The following OPCML variants were observed in gnomAD, a reference collection of about 807,000 sequenced individuals.
OPCML encodes opioid binding protein/cell adhesion molecule like, also known as opioid-binding protein/cell adhesion molecule.
A neutral mutation model predicts 37.8 loss-of-function variants in OPCML; 13 were observed. The observed-to-expected ratio is 0.34, with a 90% confidence interval of 0.22 to 0.55. The LOEUF (loss-of-function observed/expected upper bound fraction) is 0.55. Ranked by LOEUF, OPCML falls within the 20% of genes least tolerant of loss-of-function variation. The pLI is 0.91. For missense variants in OPCML, 341 were observed against 435.6 expected, an observed-to-expected ratio of 0.78 and a Z score of 1.93; for synonymous variants, 176 against 168.8, an observed-to-expected ratio of 1.04 and a Z score of -0.33.
At chr11:132,970,568 T>C (rs1946318983) in intron 1 of OPCML, among the ~76,000 whole-genome samples, 1 of 152,226 alleles carries the variant, frequency 6.6e-6, no homozygotes, top group African/African-American at 2.4e-5. Flanking sequence ...GTGGCATTCA[T>C]GGATCTTTAT....
intron 1 of OPCML, among the ~76,000 whole-genome samples, chr11:132,962,896 C>T (rs926999381): frequency 1.2e-4 from 19 of 152,206 alleles, no homozygotes; most frequent in Non-Finnish European, 7.3e-5. Context: ...AGCACTTCAT[C>T]CCCACCAGCC....
chr11:132,978,404 A>G (rs1394576058), intron 1 of OPCML, among the ~76,000 whole-genome samples: 1 of 152,168 alleles, frequency 6.6e-6, no homozygotes. Context: ...CAATCAAGGT[A>G]TCTTCTCCGC....
At chr11:132,523,716 A>T (rs967264871) in intron 4 of OPCML, among the ~76,000 whole-genome samples, 1 of 152,254 alleles carries the variant, frequency 6.6e-6, no homozygotes, top group African/African-American at 2.4e-5. Context: ...ATCGATATGT[A>T]TAATCTTGAT....
At chr11:132,475,167 A>G (rs546755069) in intron 4 of OPCML, among the ~76,000 whole-genome samples, 8 of 152,204 alleles carry the variant, frequency 5.3e-5, no homozygotes, top group Non-Finnish European at 1.2e-4. Context: ...CTCCAAATAC[A>G]TAAGCCCCCA....
chr11:132,676,820 A>T lies in OPCML; in HGVS notation c.147-19501T>A, dbSNP rs1287224957. Among the ~76,000 whole-genome samples, 9 of 151,738 alleles carry T rather than the reference A, an allele frequency of 5.9e-5. No homozygotes were observed. In the East Asian group the frequency reaches 1.4e-3, roughly 23 times the overall value. ...AAAAAAAAAAGAAAGAACGAGAAAAAAGAAGATAACTAGGGAGCAAGGCAA... is the reference window on the plus strand; with the variant it reads ...AAAAAAAAAAGAAAGAACGAGAAAATAGAAGATAACTAGGGAGCAAGGCAA... On this transcript the variant is annotated intron_variant, in intron 2 of 7. Transcript: ENST00000524381.
intron 1 of OPCML, among the ~76,000 whole-genome samples, chr11:133,235,948 G>A (rs938368143): frequency 6.6e-6 from 1 of 152,082 alleles, no homozygotes; most frequent in Non-Finnish European, 1.5e-5. Flanking sequence ...TATCAGCAGG[G>A]GATAGTTCCA....
At chr11:133,278,525 G>C (rs1464275130) in intron 1 of OPCML, among the ~76,000 whole-genome samples, 3 of 151,980 alleles carry the variant, frequency 2.0e-5, no homozygotes, top group Admixed American at 6.6e-5. Context: ...GTTCTTATGA[G>C]GGAATCTCTG....
chr11:133,151,964 A>T (rs1949993649), intron 1 of OPCML, among the ~76,000 whole-genome samples: 1 of 152,226 alleles, frequency 6.6e-6, no homozygotes, highest in Non-Finnish European at 1.5e-5. Context: ...TTGACCTTCC[A>T]GAGGGTTTTG....
Position 133,039,953 on chromosome 11 carries a change from C to T in OPCML, c.62-96943G>A, listed in dbSNP as rs569859683. Among the ~76,000 whole-genome samples the T allele has an allele frequency of 9.2e-3, 1,401 of 151,536 alleles. 17 individuals are homozygous for T. Among genetic ancestry groups the T allele is most frequent in the Non-Finnish European group, 0.013 (889 of 67,806 alleles). ...CTGAGGCAGGAGAATTACTTGAACC[C>T]GGGAGGCGGAGGTTGCAGTGAGCCA... On this transcript the variant is annotated intron_variant, in intron 1 of 7. Coordinates refer to ENST00000524381, the MANE Select transcript of OPCML (RefSeq NM_001012393.5).
chr11:133,314,097 T>A (rs1032403298), intron 1 of OPCML, among the ~76,000 whole-genome samples: 1 of 135,156 alleles, frequency 7.4e-6, no homozygotes, highest in Non-Finnish European at 1.6e-5. Context: ...TAGCCGGGCG[T>A]AGTGGCGGGC....
Position 132,436,214 on chromosome 11 carries a change from A to C in OPCML, c.788T>G (p.Met263Arg). The C allele has an allele frequency of 6.2e-7, 1 of 1,614,218 alleles. No homozygotes were observed. The highest frequency in any genetic ancestry group is 8.5e-7 in the Non-Finnish European group (1 of 1,180,038). ...ETRLATGLDG[M>R]RIENKGRMST... ...CATGCGGCCTTTGTTTTCAATCCTC[A>C]TTCCATCCAGACCAGTGGCTAACCT... Residue 263 changes from methionine to arginine, a missense_variant, in exon 7 of 8, where the codon ATG (methionine) becomes AGG (arginine). Met to Arg is a moderately conservative substitution (Grantham distance 91, BLOSUM62 -1). Transcript: ENST00000524381.
At chr11:132,454,752 T>A (rs2096077248) in intron 4 of OPCML, among the ~76,000 whole-genome samples, 1 of 152,164 alleles carries the variant, frequency 6.6e-6, no homozygotes, top group South Asian at 2.1e-4. Context: ...CAGGATGAAC[T>A]GACTTGTTGG....
chr11:133,006,145 G>A, intron 1 of OPCML: 2 of 983,168 alleles, frequency 2.0e-6, no homozygotes, highest in Non-Finnish European at 2.4e-6. Flanking sequence ...GATCCCTGGA[G>A]AAGCTCCAAC....
chr11:133,107,765 T>C (rs1260621883), intron 1 of OPCML, among the ~76,000 whole-genome samples: 1 of 152,234 alleles, frequency 6.6e-6, no homozygotes, highest in Non-Finnish European at 1.5e-5. Context: ...TACAGCAGAA[T>C]GATGCTCTCT....
chr11:132,839,839 C>A (rs1941211578), intron 2 of OPCML, among the ~76,000 whole-genome samples: 1 of 152,334 alleles, frequency 6.6e-6, no homozygotes, highest in Non-Finnish European at 1.5e-5. Flanking sequence ...GAAATAAAAT[C>A]ATTTCCAATT....
rs560609646 is a variant in OPCML at position 133,230,873 on chromosome 11, G to A, written c.62-287863C>T. 1.6e-3 allele frequency among the ~76,000 whole-genome samples: 245 copies of A among 152,240 alleles called. 1 individual carries two copies. Among genetic ancestry groups the A allele is most frequent in the African/African-American group, 5.7e-3 (235 of 41,536 alleles). ...AGTATCCCCACTGTTTCTGAAATGT[G>A]GACAATCTGAGTGAAGAAAAGGGAG... On this transcript the variant is annotated intron_variant, in intron 1 of 7. Coordinates refer to ENST00000524381, the MANE Select transcript of OPCML (RefSeq NM_001012393.5).
At chr11:133,149,247 A>G (rs1949940444) in intron 1 of OPCML, among the ~76,000 whole-genome samples, 1 of 152,246 alleles carries the variant, frequency 6.6e-6, no homozygotes, top group South Asian at 2.1e-4. Context: ...ACATAAATTA[A>G]GAACTGGTAA....
In OPCML at chr11:133,206,550, A is replaced by G. The variant is rs1233676678; in HGVS notation, c.62-263540T>C. 1.3e-5 allele frequency among the ~76,000 whole-genome samples: 2 copies of G among 152,212 alleles called. No individual in the cohort carries two copies. The highest frequency in any genetic ancestry group is 4.8e-5 in the African/African-American group (2 of 41,456). On this transcript the variant is annotated intron_variant, in intron 1 of 7. Coordinates refer to ENST00000524381, the MANE Select transcript of OPCML (RefSeq NM_001012393.5). The surrounding 1 kb of genome is among the most constrained non-coding windows in gnomAD (Gnocchi z 4.7). Reference sequence around the variant, plus strand: ...ACCCTGTACTCTCAGAAACATTTGCATATCTAAGCCACTAATAAATGAAGG... The same window carrying G: ...ACCCTGTACTCTCAGAAACATTTGCGTATCTAAGCCACTAATAAATGAAGG...
intron 1 of OPCML, among the ~76,000 whole-genome samples, chr11:133,001,179 T>C (rs997625505): frequency 6.6e-6 from 1 of 152,002 alleles, no homozygotes; most frequent in Non-Finnish European, 1.5e-5. Flanking sequence ...TGGACAGGGG[T>C]CTTTAAAAAG....
Sources: gnomAD v4.1 joint callset for allele counts (sites outside exome capture counted in the v4.1 genomes callset) on GRCh38, gnomAD v4.1.1 for gene constraint, Gnocchi (gnomAD v3.1) non-coding constraint, MANE v1.5 for transcripts, NCBI Gene and HGNC (gene_info 2026-07-23, HGNC 2026-07-21) for gene names.